The following IKZF4 variants were observed in gnomAD, a reference collection of about 807,000 sequenced individuals.
IKZF4 encodes zinc finger protein Eos.
In IKZF4, 11 loss-of-function variants were observed where a neutral mutation model predicts 47.7. The ratio of observed to expected loss-of-function variants is 0.23; its 90% confidence interval spans 0.15 to 0.38. The LOEUF (loss-of-function observed/expected upper bound fraction) is 0.38, where lower values mean the gene tolerates loss of function less well. Among genes scored for constraint, IKZF4 ranks in the 10% least tolerant of loss-of-function variants. The pLI is 1.00. For missense variants in IKZF4, 557 were observed against 784.9 expected (o/e 0.71, Z 3.47); for synonymous variants, 298 against 299.4 (o/e 1.00, Z 0.05).
intron 1 of IKZF4, among the ~76,000 whole-genome samples, chr12:56,007,937 G>A (rs1890905255): frequency 6.6e-6 from 1 of 152,128 alleles, no homozygotes; most frequent in Non-Finnish European, 1.5e-5. Context: ...CCAGTATTAA[G>A]AGCGAGGTAG....
chr12:56,033,874 G>A (rs960573445), intron 7 of IKZF4, among the ~76,000 whole-genome samples: 10 of 152,046 alleles, frequency 6.6e-5, no homozygotes, highest in African/African-American at 2.2e-4. Context: ...GGACAGGGTC[G>A]AGGCATCGGG....
intron 3 of IKZF4, among the ~76,000 whole-genome samples, chr12:56,025,996 C>T (rs1405989085): frequency 2.6e-5 from 4 of 152,134 alleles, no homozygotes; most frequent in South Asian, 2.1e-4. Flanking sequence ...ACTGCAGTGG[C>T]GTGATCTCAG....
At chr12:56,017,524 C>T (rs1353075552), upstream of IKZF4, among the ~76,000 whole-genome samples, 1 of 152,224 alleles carries the variant, frequency 6.6e-6, no homozygotes, top group Admixed American at 6.5e-5. Context: ...CTCCTCAGGG[C>T]TGAGGTGTAA....
At chr12:56,015,656 A>C (rs999014188) in intron 2 of IKZF4, among the ~76,000 whole-genome samples, 8 of 152,182 alleles carry the variant, frequency 5.3e-5, no homozygotes, top group African/African-American at 1.9e-4. Context: ...TCGCCCTCTC[A>C]AAGAGCTGAG....
intron 1 of IKZF4, among the ~76,000 whole-genome samples, chr12:56,008,988 T>G (rs1210637976): frequency 1.3e-5 from 2 of 152,154 alleles, no homozygotes; most frequent in African/African-American, 2.4e-5. Flanking sequence ...GAAAATTTTT[T>G]GCATACCTTA....
At chr12:56,033,884 G>C (rs992441450) in intron 7 of IKZF4, among the ~76,000 whole-genome samples, 2 of 151,970 alleles carry the variant, frequency 1.3e-5, no homozygotes, top group Non-Finnish European at 2.9e-5. Flanking sequence ...GAGGCATCGG[G>C]CTGTCTCAGT....
upstream of IKZF4, among the ~76,000 whole-genome samples, chr12:56,016,845 C>T (rs1434048662): frequency 6.6e-6 from 1 of 152,088 alleles, no homozygotes; most frequent in African/African-American, 2.4e-5. Flanking sequence ...CCGCCCGCCT[C>T]GGCCTCCCAG....
chr12:56,033,640 G>C (rs576308033), intron 7 of IKZF4, among the ~76,000 whole-genome samples: 2 of 152,226 alleles, frequency 1.3e-5, no homozygotes, highest in South Asian at 4.1e-4. Flanking sequence ...CTGGGAGGCG[G>C]AGCTTGCAGT....
At chr12:56,020,051 C>G (rs1892642595), upstream of IKZF4, among the ~76,000 whole-genome samples, 1 of 152,264 alleles carries the variant, frequency 6.6e-6, no homozygotes, top group Non-Finnish European at 1.5e-5. Flanking sequence ...ACCCATCTCT[C>G]CTGGAAGAGT....
At chr12:56,030,153 C>T (rs1439410645) in intron 5 of IKZF4, among the ~76,000 whole-genome samples, 3 of 152,098 alleles carry the variant, frequency 2.0e-5, no homozygotes, top group Non-Finnish European at 4.4e-5. Flanking sequence ...CAGTGGCTCA[C>T]GTCTATCATC....
At position 56,021,420 on chromosome 12, in the gene IKZF4, C is replaced by T; in HGVS notation, c.-74C>T. On this transcript the variant is annotated 5_prime_UTR_variant, in exon 1 of 8. Coordinates refer to ENST00000547167, the MANE Select transcript of IKZF4 (RefSeq NM_022465.4). ...TGCCTGCGAAATGACGGCGGTTCCC[C>T]TCACTTCCAGGAATCCACGCTTCCT... is the stretch of plus-strand genomic sequence containing the variant. 6 of 1,550,938 alleles carry T rather than the reference C, an allele frequency of 3.9e-6. No homozygotes were observed. The highest frequency in any genetic ancestry group is 5.2e-6 in the Non-Finnish European group (6 of 1,147,396).
intron 1 of IKZF4, among the ~76,000 whole-genome samples, chr12:56,022,961 G>A (rs59794023): frequency 0.076 from 11,503 of 151,956 alleles, 1,464 homozygotes; most frequent in African/African-American, 0.26. Flanking sequence ...TACCATGCCC[G>A]GATAATTTTT....
Position 56,021,611 on chromosome 12 carries a change from G to T in IKZF4, c.87+31G>T, listed in dbSNP as rs761021994. ...TTCAGGCAGAAGGCGGCTAGTGGAG[G>T]GAGGAAGGGGGGTGCTGGGGCTAGG... On this transcript the variant is annotated intron_variant, in intron 1 of 7. Coordinates refer to ENST00000547167, the MANE Select transcript of IKZF4 (RefSeq NM_022465.4). 3.2e-6 allele frequency: 5 copies of T among 1,574,090 alleles called. No homozygotes were observed. In the East Asian group the frequency reaches 1.2e-4, roughly 37 times the overall value.
At position 56,036,720 on chromosome 12, in the gene IKZF4, G is replaced by A. The variant is rs577858752; in HGVS notation, c.*1389G>A. 1 of 152,090 alleles carries A rather than the reference G, an allele frequency of 6.6e-6. No individual in the cohort carries two copies. Among genetic ancestry groups the A allele is most frequent in the Non-Finnish European group, 1.5e-5 (1 of 68,026 alleles). The allele number at this position is 152,090 out of a possible 1,614,324, so 9.4% of individuals were successfully genotyped here. ...CTCCCAGACACAGGGTAGGAGGGGG[G>A]ACTGCTGGCTACTGCAGAGACCCTT... On this transcript the variant is annotated 3_prime_UTR_variant, in exon 8 of 8. Coordinates refer to ENST00000547167, the MANE Select transcript of IKZF4 (RefSeq NM_022465.4).
intron 5 of IKZF4, among the ~76,000 whole-genome samples, 197 bp downstream of exon 5, chr12:56,028,144 C>T (rs1345641720): frequency 1.3e-5 from 2 of 152,066 alleles, no homozygotes; most frequent in Non-Finnish European, 2.9e-5. Flanking sequence ...TTGGGAGACA[C>T]CTTGATGGGG....
exon 1 of IKZF4, chr12:56,007,711 TGC>T (rs967555119): frequency 1.3e-5 from 2 of 150,430 alleles, no homozygotes; most frequent in Non-Finnish European, 3.0e-5. Flanking sequence ...CCTCACAGCC[TGC>T]GCGCGCGCGG....
intron 5 of IKZF4, 144 bp downstream of exon 5, chr12:56,028,091 C>T: frequency 1.1e-6 from 1 of 871,744 alleles, no homozygotes; most frequent in Non-Finnish European, 1.6e-6. Flanking sequence ...GGGCCCCCTG[C>T]CTCTCTCACC....
At position 56,033,309 on chromosome 12, in the gene IKZF4, C is replaced by G. The variant is rs1456426107; in HGVS notation, c.985C>G (p.Gln329Glu). 1 of 1,614,042 alleles carries G rather than the reference C, an allele frequency of 6.2e-7. No individual in the cohort carries two copies. The highest frequency in any genetic ancestry group is 1.7e-5 in the Admixed American group (1 of 60,030). ...SLTKRKRSTP[Q>E]KFVGEKQMRF... ...CACCAAACGCAAGCGTTCCACACCC[C>G]AGAAGTTTGTAGGTAAGAATCCAGT... Residue 329 changes from glutamine to glutamate, a missense_variant, in exon 7 of 8, where the codon CAG becomes GAG. Coordinates refer to ENST00000547167, the MANE Select transcript of IKZF4 (RefSeq NM_022465.4).
At position 56,012,111 on chromosome 12, in the gene IKZF4, A is replaced by G. The variant is rs191311144; in HGVS notation, c.-214+617A>G. 5.5e-4 allele frequency among the ~76,000 whole-genome samples: 83 copies of G among 152,150 alleles called. 1 individual carries two copies. Among genetic ancestry groups the G allele is most frequent in the African/African-American group, 1.9e-3 (78 of 41,504 alleles). The stretch of plus-strand genomic sequence containing the variant: ...ACCGCAGAACCCAGGTACTAAGGGA[A>G]AGTGGAGAAAATTTTTCTACTTCTG... On this transcript the variant is annotated intron_variant, in intron 2 of 11. Transcript: ENST00000262032.
Sources: allele counts gnomAD v4.1 joint callset (sites outside exome capture counted in the v4.1 genomes callset), GRCh38; gene constraint gnomAD v4.1.1; transcripts MANE v1.5; gene names NCBI Gene and HGNC (gene_info 2026-07-23, HGNC 2026-07-21).